Variants in DENND5B observed in about 807,000 individuals in gnomAD.
The protein encoded by DENND5B is DENN domain-containing protein 5B.
In DENND5B, 34 loss-of-function variants were observed where a neutral mutation model predicts 140.6. The ratio of observed to expected loss-of-function variants is 0.24; its 90% CI spans 0.18 to 0.32. The LOEUF is 0.32. Among genes scored for constraint, DENND5B ranks in the 10% least tolerant of loss-of-function variants. The pLI, the probability that DENND5B is intolerant of heterozygous loss-of-function variation, is 1.00. For synonymous variants in DENND5B, 551 were observed against 562.1 expected (o/e 0.98, Z 0.28); for missense variants, 1,142 against 1,560.2 (o/e 0.73, Z 4.52).
intron 15 of DENND5B, among the ~76,000 whole-genome samples, chr12:31,400,855 T>G (rs965820369): frequency 6.6e-6 from 1 of 151,552 alleles, no homozygotes; most frequent in African/African-American, 2.4e-5. Context: ...TTTTTGTTTT[T>G]TTTTTAGACA....
At chr12:31,467,210 C>CA (rs1433954716) in intron 3 of DENND5B, among the ~76,000 whole-genome samples, 1 of 149,622 alleles carries the variant, frequency 6.7e-6, no homozygotes, top group African/African-American at 2.5e-5. Context: ...AAAACAAGGA[C>CA]AAAATAAGAT....
chr12:31,521,721 T>C (rs1448881971), intron 1 of DENND5B, among the ~76,000 whole-genome samples: 1 of 152,170 alleles, frequency 6.6e-6, no homozygotes. Flanking sequence ...TTGCTTCCCC[T>C]AGCCATTTAA....
chr12:31,442,029 A>G (rs573473708), intron 7 of DENND5B, among the ~76,000 whole-genome samples: 4 of 152,330 alleles, frequency 2.6e-5, no homozygotes, highest in Non-Finnish European at 5.9e-5. Context: ...TAAATATTTA[A>G]AAGGATACTA....
At chr12:31,586,548 G>A (rs970275470) in intron 1 of DENND5B, among the ~76,000 whole-genome samples, 4 of 152,116 alleles carry the variant, frequency 2.6e-5, no homozygotes, top group African/African-American at 7.2e-5. Flanking sequence ...AGAGTTCTAC[G>A]TATTTGAGAT....
Position 31,480,259 on chromosome 12 carries a change from T to C in DENND5B, c.238-4A>G. 2 of 1,481,674 alleles carry C rather than the reference T, an allele frequency of 1.3e-6. No homozygotes were observed. The highest frequency in any genetic ancestry group is 1.8e-6 in the Non-Finnish European group (2 of 1,118,988). 91.8% of individuals were successfully genotyped at this position (1,481,674 alleles called of 1,614,324 possible). On this transcript the variant is annotated splice_region_variant and splice_polypyrimidine_tract_variant and intron_variant, in intron 2 of 20. Transcript: ENST00000389082. ...ATAGCCCTTTAGGCATGCACAACTG[T>C]GAAAGAAAGAAAAAAAAAAATCAGA...
chr12:31,590,721 G>T lies in DENND5B; in HGVS notation c.112C>A (p.Pro38Thr). Residue 38 changes from proline to threonine, a missense_variant, in exon 1 of 21, where the codon CCT becomes ACT. Around this residue, in one of 5 missense-constraint regions of DENND5B, gnomAD observed 708 missense variants for 905.5 expected, o/e 0.78. Coordinates refer to ENST00000389082, the MANE Select transcript of DENND5B (RefSeq NM_144973.4). ...CTGGCCTTACCCGCCAGCTCGTCAG[G>T]CTCCAGCCCGCTGTCCGCGTCGATC... ...CGIDADSGLEPDELAGENFDQ... is the reference protein window; with the variant it reads ...CGIDADSGLETDELAGENFDQ... 6.8e-7 allele frequency: 1 copy of T among 1,476,340 alleles called. No homozygotes were observed. The highest frequency in any genetic ancestry group is 8.9e-7 in the Non-Finnish European group (1 of 1,119,734). 91.5% of individuals were successfully genotyped at this position (1,476,340 alleles called of 1,614,324 possible). A position where few individuals can be genotyped will look rare whatever the true frequency, so the allele number is the denominator to read the frequency against.
rs989873126 is a variant in DENND5B at position 31,430,393 on chromosome 12, C to T, written c.2106+2762G>A. 5.3e-4 allele frequency among the ~76,000 whole-genome samples: 80 copies of T among 149,762 alleles called. 1 individual carries two copies. Among genetic ancestry groups the T allele is most frequent in the African/African-American group, 1.9e-3 (77 of 40,824 alleles). On this transcript the variant is annotated intron_variant, in intron 8 of 20. Coordinates refer to ENST00000389082, the MANE Select transcript of DENND5B (RefSeq NM_144973.4). ...TGTCGGCTGGTCAAGGTTGCTCACACCTGTAATCCCAGCACTTTGGGAGGC... is the reference window on the plus strand; with the variant it reads ...TGTCGGCTGGTCAAGGTTGCTCACATCTGTAATCCCAGCACTTTGGGAGGC...
intron 1 of DENND5B, among the ~76,000 whole-genome samples, chr12:31,520,490 TTAATAGAAAGA>T (rs1947834854): frequency 6.6e-6 from 1 of 152,130 alleles, no homozygotes; most frequent in African/African-American, 2.4e-5. Context: ...GCAAAGAAAG[TTAATAGAAAGA>T]TAATGTGAAC....
intron 1 of DENND5B, among the ~76,000 whole-genome samples, chr12:31,562,292 T>C (rs1949503764): frequency 6.6e-6 from 1 of 152,142 alleles, no homozygotes; most frequent in South Asian, 2.1e-4. Context: ...ACTACAGAAT[T>C]GCTTTCTAAA....
intron 1 of DENND5B, among the ~76,000 whole-genome samples, chr12:31,580,975 C>A (rs998691411): frequency 6.6e-6 from 1 of 152,084 alleles, no homozygotes; most frequent in African/African-American, 2.4e-5. Flanking sequence ...CATAGTGGTG[C>A]ACACCTACAG....
chr12:31,496,901 C>T (rs920092738), intron 1 of DENND5B, among the ~76,000 whole-genome samples: 13 of 151,978 alleles, frequency 8.6e-5, no homozygotes, highest in Admixed American at 3.9e-4. Flanking sequence ...GATCAAGGAA[C>T]TAGAAGATCT....
At chr12:31,452,696 C>CA (rs1403762231) in intron 4 of DENND5B, among the ~76,000 whole-genome samples, 1 of 152,096 alleles carries the variant, frequency 6.6e-6, no homozygotes, top group East Asian at 1.9e-4. Context: ...CTATTACAAA[C>CA]AAAAGCATAG....
At position 31,398,368 on chromosome 12, in the gene DENND5B, A is replaced by G; in HGVS notation, c.3069-6T>C. 1 of 1,526,996 alleles carries G rather than the reference A, an allele frequency of 6.5e-7. No individual in the cohort carries two copies. The highest frequency in any genetic ancestry group is 8.8e-7 in the Non-Finnish European group (1 of 1,139,636). The allele number at this position is 1,526,996 out of a possible 1,614,324, so 94.6% of individuals were successfully genotyped here. A position where few individuals can be genotyped will look rare whatever the true frequency, so the allele number is the denominator to read the frequency against. ...GCCACCGCCCACATGGGAATCTGGT[A>G]GGACAGAAAACAAGTTTTTTATTTT... On this transcript the variant is annotated splice_polypyrimidine_tract_variant and splice_region_variant and intron_variant, in intron 16 of 20. Transcript: ENST00000389082.
At chr12:31,551,824 C>T in intron 1 of DENND5B, among the ~76,000 whole-genome samples, 1 of 152,240 alleles carries the variant, frequency 6.6e-6, no homozygotes, top group Admixed American at 6.5e-5. Context: ...CTCTTTGAAG[C>T]AATTGTGAAT....
intron 1 of DENND5B, among the ~76,000 whole-genome samples, chr12:31,520,165 T>C (rs1465006228): frequency 2.6e-5 from 4 of 152,240 alleles, no homozygotes; most frequent in African/African-American, 9.6e-5. Context: ...AATAATTTAT[T>C]TGCAGAAGAG....
rs1191133986 is a variant in DENND5B, at chr12:31,393,901, G to A, written c.3257-1205C>T. On this transcript the variant is annotated intron_variant, in intron 17 of 20. Transcript: ENST00000389082. ...AATAGGGTTTTACCATATTGGTCAC[G>A]CTGGTCTCGAACTCCTGACCTCAGG... Among the ~76,000 whole-genome samples the A allele has an allele frequency of 4.6e-5, 7 of 152,018 alleles. No homozygotes were observed. The East Asian group carries it at 7.7e-4, about 17-fold the overall frequency.
intron 1 of DENND5B, among the ~76,000 whole-genome samples, chr12:31,555,726 T>C (rs960977041): frequency 1.3e-5 from 2 of 152,200 alleles, no homozygotes; most frequent in African/African-American, 4.8e-5. Context: ...GCCGCTTTGT[T>C]TACCTAATCA....
intron 1 of DENND5B, among the ~76,000 whole-genome samples, chr12:31,522,601 T>C (rs754106644): frequency 1.3e-5 from 2 of 152,086 alleles, no homozygotes; most frequent in Non-Finnish European, 2.9e-5. Flanking sequence ...CACACCATCA[T>C]GCCCGGCTAA....
chr12:31,451,665 G>C, intron 5 of DENND5B: 1 of 372,022 alleles, frequency 2.7e-6, no homozygotes, highest in South Asian at 3.2e-5. Flanking sequence ...AAGAAAAATT[G>C]AAAATGAGAT....
Sources: gnomAD v4.1 joint callset for allele counts (sites outside exome capture counted in the v4.1 genomes callset) on GRCh38, gnomAD v4.1.1 for gene constraint, gnomAD v4.1.1 regional missense constraint, MANE v1.5 for transcripts, NCBI Gene and HGNC (gene_info 2026-07-23, HGNC 2026-07-21) for gene names.